Variants in ASTN1 observed in about 807,000 individuals in gnomAD.
ASTN1 encodes astrotactin-1.
Under a neutral mutation model 140.7 loss-of-function variants are expected in ASTN1, and 41 were observed. The observed-to-expected ratio is 0.29, with a 90% CI of 0.23 to 0.38. ASTN1 has a LOEUF of 0.38. ASTN1 is among the 10% of genes least tolerant of loss of function. The pLI is 1.00. For synonymous variants in ASTN1, 640 were observed against 652.2 expected, an observed-to-expected ratio of 0.98 and a Z score of 0.29; for missense variants, 1,479 against 1,678.8, an observed-to-expected ratio of 0.88 and a Z score of 2.08.
chr1:176,939,653 A>C (rs1212131390), intron 14 of ASTN1, among the ~76,000 whole-genome samples: 1 of 152,074 alleles, frequency 6.6e-6, no homozygotes, highest in African/African-American at 2.4e-5. Flanking sequence ...TTATTTTGGG[A>C]CACATTTCTG....
rs1682210616 is a variant in ASTN1, at chr1:177,136,504, C to T, written c.283+27890G>A. Among the ~76,000 whole-genome samples, 3 of 152,038 alleles carry T rather than the reference C, an allele frequency of 2.0e-5. No homozygotes were observed. The South Asian group carries it at 6.2e-4, about 32-fold the overall frequency. On this transcript the variant is annotated intron_variant, in intron 1 of 22. Transcript: ENST00000361833. ...AGTAGCTGGGAGTACAGGTGCACCC[C>T]ACAACCGCCCAGTTAATTTTTGCAT...
At chr1:176,951,277 AATC>A (rs1012647684) in intron 11 of ASTN1, among the ~76,000 whole-genome samples, 1 of 152,216 alleles carries the variant, frequency 6.6e-6, no homozygotes, top group African/African-American at 2.4e-5. Context: ...GCCTCCCACT[AATC>A]ATATTCCTTG....
chr1:176,875,717 C>T (rs1206044203), intron 21 of ASTN1, among the ~76,000 whole-genome samples: 1 of 152,162 alleles, frequency 6.6e-6, no homozygotes, highest in Admixed American at 6.5e-5. Context: ...CTTACTGAAA[C>T]TTGCACAACC....
chr1:177,038,947 G>A (rs956108840), intron 2 of ASTN1, among the ~76,000 whole-genome samples: 1 of 152,102 alleles, frequency 6.6e-6, no homozygotes, highest in Non-Finnish European at 1.5e-5. Flanking sequence ...GTAATACTCT[G>A]GTAACACCCC....
Position 177,149,184 on chromosome 1 carries a change from A to G in ASTN1, c.283+15210T>C, listed in dbSNP as rs370343011. Among the ~76,000 whole-genome samples, 97 of 98,046 alleles carry G rather than the reference A, an allele frequency of 9.9e-4. 2 individuals carry two copies. In the East Asian group the frequency reaches 0.021, roughly 21 times the overall value. The allele number at this position is 98,046 out of a possible 152,430, so 64.3% of individuals were successfully genotyped here. A position where few individuals can be genotyped will look rare whatever the true frequency, so the allele number is the denominator to read the frequency against. On this transcript the variant is annotated intron_variant, in intron 1 of 22. Coordinates refer to ENST00000361833, the MANE Select transcript of ASTN1 (RefSeq NM_004319.3). The stretch of plus-strand genomic sequence containing the variant: ...TGTATATATAGTAAATATATAGTGT[A>G]TATATATAGTAAATATATATAGTGT...
chr1:177,100,525 TG>T (rs1680250104), intron 1 of ASTN1, among the ~76,000 whole-genome samples: 1 of 152,078 alleles, frequency 6.6e-6, no homozygotes, highest in Admixed American at 6.6e-5. Context: ...ACCATAAAAA[TG>T]AACAAGCTGA....
At chr1:176,873,585 A>C (rs1340877021) in intron 21 of ASTN1, among the ~76,000 whole-genome samples, 1 of 152,212 alleles carries the variant, frequency 6.6e-6, no homozygotes, top group Non-Finnish European at 1.5e-5. Flanking sequence ...CTGCGAGATC[A>C]TATTTATGAT....
At chr1:176,944,211 G>A (rs2103108196) in intron 13 of ASTN1, among the ~76,000 whole-genome samples, 193 bp from the exon 14 acceptor site, 1 of 152,178 alleles carries the variant, frequency 6.6e-6, no homozygotes, top group South Asian at 2.1e-4. Context: ...CTGAGTGCTG[G>A]GATTACAGGC....
intron 1 of ASTN1, among the ~76,000 whole-genome samples, chr1:177,141,741 C>T (rs1682479068): frequency 6.6e-6 from 1 of 152,216 alleles, no homozygotes; most frequent in Non-Finnish European, 1.5e-5. Context: ...CTGCCTGGCT[C>T]TTATCTCTGT....
chr1:176,974,973 C>T (rs1673302186), intron 8 of ASTN1, among the ~76,000 whole-genome samples: 1 of 152,216 alleles, frequency 6.6e-6, no homozygotes, highest in South Asian at 2.1e-4. Context: ...CATACCTTGA[C>T]TCCCAGCACC....
intron 11 of ASTN1, among the ~76,000 whole-genome samples, chr1:176,955,113 T>A (rs1478955622): frequency 6.6e-6 from 1 of 152,190 alleles, no homozygotes; most frequent in African/African-American, 2.4e-5. Context: ...GAGTTTCTTA[T>A]CTCTCTCCTT....
At chr1:177,007,470 T>A (rs960545530) in intron 8 of ASTN1, among the ~76,000 whole-genome samples, 12 of 152,190 alleles carry the variant, frequency 7.9e-5, no homozygotes, top group Non-Finnish European at 1.5e-5. Flanking sequence ...TTATTTTCAT[T>A]GGAAAAAGTT....
chr1:176,873,698 T>G (rs1668444739), intron 21 of ASTN1, among the ~76,000 whole-genome samples: 1 of 152,166 alleles, frequency 6.6e-6, no homozygotes, highest in Non-Finnish European at 1.5e-5. Context: ...AGTCATTAAT[T>G]CTGGATTTAC....
At chr1:177,120,019 A>G (rs1003548565) in intron 1 of ASTN1, among the ~76,000 whole-genome samples, 1 of 152,160 alleles carries the variant, frequency 6.6e-6, no homozygotes, top group African/African-American at 2.4e-5. Context: ...TAAAGAATCC[A>G]GGAAACAGCT....
intron 2 of ASTN1, among the ~76,000 whole-genome samples, chr1:177,046,349 C>A (rs1414762379): frequency 1.3e-5 from 2 of 152,212 alleles, no homozygotes; most frequent in Non-Finnish European, 2.9e-5. Context: ...ATTTTCAGCA[C>A]TTTACCTATT....
chr1:176,898,493 A>T (rs1669623903), intron 16 of ASTN1, among the ~76,000 whole-genome samples: 1 of 152,190 alleles, frequency 6.6e-6, no homozygotes, highest in South Asian at 2.1e-4. Flanking sequence ...TCAGTTAAAG[A>T]TACAATTGGG....
At chr1:176,989,431 G>A (rs1674057228) in intron 8 of ASTN1, among the ~76,000 whole-genome samples, 1 of 152,190 alleles carries the variant, frequency 6.6e-6, no homozygotes, top group African/African-American at 2.4e-5. Context: ...TCGTCCTGCA[G>A]AGGTACAATG....
In ASTN1 at chr1:176,980,137, T is replaced by C. The variant is rs560302367; in HGVS notation, c.1524-14900A>G. ...AAGTGGCTGACTGGGGGGCAAAGAT[T>C]GGAGAAATTGAGGAGTTGAAACAAC... On this transcript the variant is annotated intron_variant, in intron 8 of 22. Transcript: ENST00000361833. Among the ~76,000 whole-genome samples the C allele has an allele frequency of 4.6e-5, 7 of 152,126 alleles. No homozygotes were observed. The East Asian group carries it at 7.7e-4, about 17-fold the overall frequency.
At chr1:177,141,886 T>C (rs1163679769) in intron 1 of ASTN1, among the ~76,000 whole-genome samples, 4 of 152,234 alleles carry the variant, frequency 2.6e-5, no homozygotes, top group Non-Finnish European at 4.4e-5. Context: ...ACTTTCTTAC[T>C]TGACTGGATG....
Sources: gnomAD v4.1 joint callset for allele counts (sites outside exome capture counted in the v4.1 genomes callset) on GRCh38, gnomAD v4.1.1 for gene constraint, MANE v1.5 for transcripts, NCBI Gene and HGNC (gene_info 2026-07-23, HGNC 2026-07-21) for gene names.